Variants in CSMD1 observed in about 807,000 individuals in gnomAD.
The protein encoded by CSMD1 is CUB and Sushi multiple domains 1, also known as CUB and sushi domain-containing protein 1.
CSMD1 carries 213 observed loss-of-function variants against 417.5 expected under a neutral mutation model. The ratio of observed to expected loss-of-function variants is 0.51; its 90% CI spans 0.46 to 0.57. The LOEUF is 0.57. Among genes scored for constraint, CSMD1 ranks in the 20% least tolerant of loss-of-function variants. The pLI, the probability that CSMD1 is intolerant of heterozygous loss-of-function variation, is 0.00. For synonymous variants in CSMD1, 2,862 were observed against 1,736.8 expected, an observed-to-expected ratio of 1.65 and a Z score of -16.11; for missense variants, 6,923 against 4,529.7, an observed-to-expected ratio of 1.53 and a Z score of -15.17.
At chr8:3,939,038 T>C (rs1337462193) in intron 5 of CSMD1, among the ~76,000 whole-genome samples, 2 of 152,088 alleles carry the variant, frequency 1.3e-5, no homozygotes, top group Admixed American at 1.3e-4. Context: ...TTTTATTCCA[T>C]CATAGTAATT....
At chr8:3,821,090 G>T (rs55778544) in intron 5 of CSMD1, among the ~76,000 whole-genome samples, 76 of 151,444 alleles carry the variant, frequency 5.0e-4, no homozygotes, top group African/African-American at 1.6e-3. Flanking sequence ...TTACTTTTTT[G>T]TATTTTTAGT....
intron 3 of CSMD1, among the ~76,000 whole-genome samples, chr8:4,152,124 G>T (rs148031798): frequency 6.6e-6 from 1 of 152,064 alleles, no homozygotes; most frequent in Non-Finnish European, 1.5e-5. Flanking sequence ...AAATTGTATA[G>T]AAAAATATCA....
intron 2 of CSMD1, among the ~76,000 whole-genome samples, chr8:4,546,198 C>T (rs919080847): frequency 3.3e-5 from 5 of 152,216 alleles, no homozygotes; most frequent in African/African-American, 1.2e-4. Flanking sequence ...TATCTACGGG[C>T]CTTGGCCCTG....
At chr8:3,402,281 T>C (rs920982038) in intron 15 of CSMD1, among the ~76,000 whole-genome samples, 17 of 152,302 alleles carry the variant, frequency 1.1e-4, no homozygotes, top group South Asian at 6.2e-4. Context: ...TTCTTTTCTA[T>C]GCTACTTTAC....
chr8:3,932,347 G>C (rs1288812534), intron 5 of CSMD1, among the ~76,000 whole-genome samples: 3 of 150,464 alleles, frequency 2.0e-5, no homozygotes, highest in African/African-American at 7.4e-5. Context: ...TTTATTCTGC[G>C]ACTAGAGGAA....
chr8:3,368,920 C>T (rs548122097), intron 19 of CSMD1, among the ~76,000 whole-genome samples: 2 of 152,170 alleles, frequency 1.3e-5, no homozygotes, highest in Non-Finnish European at 2.9e-5. Context: ...GGAAGTTGGA[C>T]AATCGCTTAT....
chr8:3,429,139 T>C (rs77730182), intron 12 of CSMD1, among the ~76,000 whole-genome samples: 27,021 of 152,094 alleles, frequency 0.18, 3,039 homozygotes, highest in Middle Eastern at 0.25. Flanking sequence ...TGATTACACT[T>C]AACAATATTG....
At chr8:4,926,835 C>G (rs1031327962) in intron 1 of CSMD1, among the ~76,000 whole-genome samples, 1 of 152,106 alleles carries the variant, frequency 6.6e-6, no homozygotes, top group East Asian at 1.9e-4. Context: ...TAGAACTCCT[C>G]CCTAAATAGT....
At chr8:4,966,932 G>A (rs1478964425) in intron 1 of CSMD1, among the ~76,000 whole-genome samples, 1 of 152,138 alleles carries the variant, frequency 6.6e-6, no homozygotes, top group African/African-American at 2.4e-5. Context: ...GCAATCCAGT[G>A]TTGCAAATTC....
At chr8:4,590,477 G>T (rs1799931595) in intron 2 of CSMD1, among the ~76,000 whole-genome samples, 1 of 152,088 alleles carries the variant, frequency 6.6e-6, no homozygotes, top group Non-Finnish European at 1.5e-5. Context: ...TATGTAGAAT[G>T]TAAATAAAAT....
chr8:4,327,136 A>C (rs990990197), intron 3 of CSMD1, among the ~76,000 whole-genome samples: 3 of 152,212 alleles, frequency 2.0e-5, no homozygotes, highest in Admixed American at 1.3e-4. Context: ...GTTATCATTG[A>C]CAAGGTCTAC....
intron 3 of CSMD1, among the ~76,000 whole-genome samples, chr8:4,077,680 G>C (rs1340854352): frequency 6.6e-6 from 1 of 152,092 alleles, no homozygotes; most frequent in Non-Finnish European, 1.5e-5. Context: ...TCATGTATTT[G>C]TTTCCTAAGA....
chr8:3,358,241 G>A (rs1268649127), intron 21 of CSMD1, among the ~76,000 whole-genome samples: 4 of 152,190 alleles, frequency 2.6e-5, no homozygotes, highest in Non-Finnish European at 5.9e-5. Context: ...GACTCAGAAG[G>A]CTTGGTATTA....
rs144187497 is a variant in CSMD1 at position 4,151,115 on chromosome 8, T to C, written c.416-119016A>G. Among the ~76,000 whole-genome samples, 102 of 152,284 alleles carry C rather than the reference T, an allele frequency of 6.7e-4. 1 individual carries two copies. In the East Asian group the frequency reaches 0.018, roughly 27 times the overall value. On this transcript the variant is annotated intron_variant, in intron 3 of 69. Transcript: ENST00000635120. The stretch of plus-strand genomic sequence containing the variant: ...CTTGCATCCTTCTCCCAGCAGAAGA[T>C]ATTAGGATCCCTGTTCACCAAATAC...
intron 3 of CSMD1, among the ~76,000 whole-genome samples, chr8:4,156,773 A>G (rs1647288): frequency 1 from 152,074 of 152,274 alleles, 75,938 homozygotes; most frequent in Middle Eastern, 1. Flanking sequence ...CAGACAGTAC[A>G]GACTTTTGGG....
chr8:4,228,015 A>T (rs996406439), intron 3 of CSMD1, among the ~76,000 whole-genome samples: 1 of 150,424 alleles, frequency 6.6e-6, no homozygotes, highest in African/African-American at 2.4e-5. Flanking sequence ...CTGGAGACAT[A>T]CCCTCCACCC....
chr8:4,225,220 C>T (rs765291106), intron 3 of CSMD1, among the ~76,000 whole-genome samples: 17 of 152,094 alleles, frequency 1.1e-4, no homozygotes, highest in South Asian at 4.1e-4. Context: ...AAACCAGAGA[C>T]GGCTAGTGAA....
chr8:4,560,728 T>C (rs1798292806), intron 2 of CSMD1, among the ~76,000 whole-genome samples: 1 of 152,224 alleles, frequency 6.6e-6, no homozygotes, highest in Non-Finnish European at 1.5e-5. Context: ...GGTTTGAGAC[T>C]CTTCGGTTCC....
intron 5 of CSMD1, among the ~76,000 whole-genome samples, chr8:3,813,091 G>GTTTTTTTTT (rs10714284): frequency 7.4e-6 from 1 of 135,514 alleles, no homozygotes. Context: ...TTTTAAGCTA[G>GTTTTTTTTT]TTTTTTTTTT....
Sources: gnomAD v4.1 joint callset for allele counts (sites outside exome capture counted in the v4.1 genomes callset) on GRCh38, gnomAD v4.1.1 for gene constraint, MANE v1.5 for transcripts, NCBI Gene and HGNC (gene_info 2026-07-23, HGNC 2026-07-21) for gene names.